XKR9: variants seen among roughly 807,000 people sequenced by gnomAD.
XKR9 encodes the protein XK related 9.
Under a neutral mutation model 32.0 loss-of-function variants are expected in XKR9, and 32 were observed. That is an observed-to-expected ratio of 1.00 (90% CI 0.76 to 1.34). The LOEUF (loss-of-function observed/expected upper bound fraction) is 1.34. Ranked by LOEUF, XKR9 falls within the 40% of genes most tolerant of loss-of-function variation. XKR9 has a pLI of 0.00. For synonymous variants in XKR9, 168 were observed against 143.4 expected, an observed-to-expected ratio of 1.17 and a Z score of -1.22; for missense variants, 546 against 429.7, an observed-to-expected ratio of 1.27 and a Z score of -2.39.
chr8:70,793,831 G>A (rs1022650516), downstream of XKR9, among the ~76,000 whole-genome samples: 13 of 151,212 alleles, frequency 8.6e-5, no homozygotes, highest in African/African-American at 3.2e-4. Context: ...TTCTTTGCCT[G>A]TTTTGGAACT....
At chr8:70,817,167 C>G in the XKR9 span, among the ~76,000 whole-genome samples, 1 of 152,032 alleles carries the variant, frequency 6.6e-6, no homozygotes, top group African/African-American at 2.4e-5. Context: ...AAGGCATACA[C>G]ATAGGAAAAG....
the XKR9 span, among the ~76,000 whole-genome samples, chr8:70,875,655 G>A: frequency 1.3e-5 from 2 of 152,146 alleles, no homozygotes; most frequent in Non-Finnish European, 2.9e-5. Context: ...CAGGATGAAA[G>A]TTTTATATAT....
chr8:70,933,262 G>A, the XKR9 span, among the ~76,000 whole-genome samples: 3 of 152,182 alleles, frequency 2.0e-5, no homozygotes, highest in South Asian at 4.2e-4. Context: ...AAATGTGCTG[G>A]TCTTTAAGAA....
At chr8:71,011,510 A>G in the XKR9 span, among the ~76,000 whole-genome samples, 1 of 152,264 alleles carries the variant, frequency 6.6e-6, no homozygotes, top group Non-Finnish European at 1.5e-5. Flanking sequence ...ATGAAACTAA[A>G]CGTAAACTTC....
the XKR9 span, among the ~76,000 whole-genome samples, chr8:70,879,316 C>T: frequency 6.6e-6 from 1 of 151,864 alleles, no homozygotes; most frequent in Admixed American, 6.6e-5. Flanking sequence ...CAGAGCAGAA[C>T]TGAAAGAGAT....
chr8:71,034,573 C>G, the XKR9 span, among the ~76,000 whole-genome samples: 1 of 152,170 alleles, frequency 6.6e-6, no homozygotes. Context: ...TAGTCTAAGG[C>G]TGCTGTGCTG....
chr8:70,975,042 G>A, the XKR9 span, among the ~76,000 whole-genome samples: 1 of 152,156 alleles, frequency 6.6e-6, no homozygotes, highest in African/African-American at 2.4e-5. Context: ...GTCTTCTTTT[G>A]AGAAGTGTCT....
At chr8:70,929,904 G>A in the XKR9 span, among the ~76,000 whole-genome samples, 4 of 152,172 alleles carry the variant, frequency 2.6e-5, no homozygotes, top group Admixed American at 6.5e-5. Context: ...CTTCACAGAA[G>A]TACTTAGATT....
At chr8:71,008,362 G>T in the XKR9 span, among the ~76,000 whole-genome samples, 2 of 152,152 alleles carry the variant, frequency 1.3e-5, no homozygotes, top group Non-Finnish European at 2.9e-5. Context: ...ATCTGATGAG[G>T]TAGTCATGAC....
the XKR9 span, among the ~76,000 whole-genome samples, chr8:70,811,394 A>G: frequency 6.6e-6 from 1 of 152,226 alleles, no homozygotes; most frequent in Admixed American, 6.5e-5. Context: ...GAGAAGCAAG[A>G]GCAAACACAT....
At chr8:70,977,651 C>T in the XKR9 span, among the ~76,000 whole-genome samples, 1 of 152,128 alleles carries the variant, frequency 6.6e-6, no homozygotes, top group Non-Finnish European at 1.5e-5. Flanking sequence ...TCCTTTACTT[C>T]CAGCTATGTG....
intron 2 of XKR9, among the ~76,000 whole-genome samples, chr8:70,744,757 C>CTGTATAGAATGTATATA (rs1554553503): frequency 1.3e-5 from 2 of 150,840 alleles, no homozygotes; most frequent in African/African-American, 4.9e-5. Context: ...AGGTGTGCAC[C>CTGTATAGAATGTATATA]ACCACGCCTG....
At chr8:70,931,358 T>C in the XKR9 span, among the ~76,000 whole-genome samples, 3 of 152,162 alleles carry the variant, frequency 2.0e-5, no homozygotes, top group African/African-American at 7.2e-5. Context: ...CTATAGCTTT[T>C]GTTCAGGTCT....
the XKR9 span, among the ~76,000 whole-genome samples, chr8:70,888,099 T>A: frequency 3.9e-5 from 6 of 152,018 alleles, no homozygotes; most frequent in South Asian, 2.1e-4. Context: ...AGCTCTTTTT[T>A]AATATACAAT....
rs1364180050 is a variant in XKR9 at position 70,687,996 on chromosome 8, T to C, written c.272+6666T>C. On this transcript the variant is annotated intron_variant, in intron 3 of 4. Coordinates refer to ENST00000408926, the MANE Select transcript of XKR9 (RefSeq NM_001011720.2). ...TTCAGATATTGTACAGTTTTACTGA[T>C]TTTATGCTTAGTTGTTTTAAGTGTT... 2.0e-5 allele frequency among the ~76,000 whole-genome samples: 3 copies of C among 152,230 alleles called. No individual in the cohort carries two copies. The South Asian group carries it at 6.2e-4, about 32-fold the overall frequency.
chr8:70,755,067 GA>G (rs1480442248), intron 2 of XKR9, among the ~76,000 whole-genome samples: 2 of 151,928 alleles, frequency 1.3e-5, no homozygotes, highest in Admixed American at 1.3e-4. Flanking sequence ...AAATTTACAA[GA>G]AAAAAACAAC....
intron 2 of XKR9, among the ~76,000 whole-genome samples, chr8:70,781,981 A>G (rs897563702): frequency 2.0e-5 from 3 of 152,188 alleles, no homozygotes; most frequent in South Asian, 2.1e-4. Flanking sequence ...GAACTTTACA[A>G]GACACACTTA....
In XKR9 at chr8:70,734,508, CTT is replaced by C. The variant is rs1467279953; in HGVS notation, c.*85_*86del. The stretch of plus-strand genomic sequence containing the variant: ...TGTGTGTTATGTGGGTGTGTTGTCT[CTT>C]ATTTTTGCCACCTTTAATTTGAAAT... On this transcript the variant is annotated 3_prime_UTR_variant, in exon 5 of 5. Transcript: ENST00000408926. 3 of 1,376,462 alleles carry C rather than the reference CTT, an allele frequency of 2.2e-6. No individual in the cohort carries two copies. Among genetic ancestry groups the C allele is most frequent in the Non-Finnish European group, 2.8e-6 (3 of 1,070,844 alleles). 85.3% of individuals were successfully genotyped at this position (1,376,462 alleles called of 1,614,324 possible). A position where few individuals can be genotyped will look rare whatever the true frequency, so the allele number is the denominator to read the frequency against.
the XKR9 span, among the ~76,000 whole-genome samples, chr8:71,026,335 T>C: frequency 1.3e-5 from 2 of 152,218 alleles, no homozygotes; most frequent in Non-Finnish European, 2.9e-5. Context: ...TTGAAATCAA[T>C]CTGTTTTTCC....
Sources: allele counts gnomAD v4.1 joint callset (sites outside exome capture counted in the v4.1 genomes callset), GRCh38; gene constraint gnomAD v4.1.1; transcripts MANE v1.5; gene names NCBI Gene and HGNC (gene_info 2026-07-23, HGNC 2026-07-21).